EDIL3: variants seen among roughly 807,000 people sequenced by gnomAD.
EDIL3 encodes the protein EGF-like repeat and discoidin I-like domain-containing protein 3.
EDIL3 carries 37 observed loss-of-function variants against 67.4 expected under a neutral mutation model. The observed-to-expected ratio is 0.55, with a 90% CI of 0.42 to 0.72. EDIL3 has a LOEUF of 0.72. Ranked by LOEUF, EDIL3 falls within the 30% of genes least tolerant of loss-of-function variation. The pLI, the probability that EDIL3 is intolerant of heterozygous loss-of-function variation, is 0.00. For missense variants in EDIL3, 527 were observed against 586.3 expected (o/e 0.90, Z 1.04); for synonymous variants, 195 against 196.3 (o/e 0.99, Z 0.05).
intron 1 of EDIL3, among the ~76,000 whole-genome samples, chr5:84,346,828 C>G (rs1747249410): frequency 6.6e-6 from 1 of 152,114 alleles, no homozygotes; most frequent in Non-Finnish European, 1.5e-5. Context: ...GTTTCTGTAT[C>G]AGGACAGCCT....
intron 1 of EDIL3, among the ~76,000 whole-genome samples, chr5:84,370,402 A>C (rs1296407858): frequency 6.6e-6 from 1 of 152,068 alleles, no homozygotes; most frequent in Non-Finnish European, 1.5e-5. Context: ...TGGTGGGAGG[A>C]GGGAAAGAAG....
chr5:84,015,015 C>T (rs1447178148), intron 9 of EDIL3, among the ~76,000 whole-genome samples: 2 of 152,174 alleles, frequency 1.3e-5, no homozygotes, highest in Non-Finnish European at 2.9e-5. Context: ...AGGCTTGCTT[C>T]TCCTGTTGAT....
At chr5:84,013,925 A>G (rs1745557443) in intron 9 of EDIL3, among the ~76,000 whole-genome samples, 1 of 152,162 alleles carries the variant, frequency 6.6e-6, no homozygotes, top group African/African-American at 2.4e-5. Context: ...ATTGAATTGT[A>G]GATAAATTGA....
chr5:84,189,489 C>A (rs981938126), intron 3 of EDIL3, among the ~76,000 whole-genome samples: 28 of 152,010 alleles, frequency 1.8e-4, no homozygotes, highest in South Asian at 8.3e-4. Flanking sequence ...AAATAAATAT[C>A]TTATTAAATA....
At chr5:84,033,016 G>C (rs1745956276) in intron 9 of EDIL3, among the ~76,000 whole-genome samples, 1 of 152,078 alleles carries the variant, frequency 6.6e-6, no homozygotes, top group South Asian at 2.1e-4. Context: ...CCCCTCTGTT[G>C]GTTTCAAAGG....
chr5:84,087,432 A>G (rs1010627587), intron 6 of EDIL3, among the ~76,000 whole-genome samples: 1 of 152,228 alleles, frequency 6.6e-6, no homozygotes, highest in Admixed American at 6.5e-5. Context: ...CTGCTTATGT[A>G]AATGTGCTTC....
chr5:84,132,546 ATATATATTT>A (rs1271185101), intron 5 of EDIL3, among the ~76,000 whole-genome samples: 4 of 105,474 alleles, frequency 3.8e-5, no homozygotes, highest in African/African-American at 1.5e-4. Context: ...TTTATATATA[ATATATATTT>A]TATATATTTT....
At chr5:84,280,759 A>G (rs979696218) in intron 1 of EDIL3, among the ~76,000 whole-genome samples, 2 of 152,014 alleles carry the variant, frequency 1.3e-5, no homozygotes, top group Non-Finnish European at 2.9e-5. Flanking sequence ...TCTGGGCAAC[A>G]TGGTGAGACT....
chr5:84,183,726 C>A (rs1580365812), intron 3 of EDIL3, among the ~76,000 whole-genome samples: 1 of 152,258 alleles, frequency 6.6e-6, no homozygotes, highest in East Asian at 1.9e-4. Flanking sequence ...GTCTTCCATG[C>A]TCCTTCACAC....
At chr5:83,976,336 T>G (rs1744876419) in intron 9 of EDIL3, among the ~76,000 whole-genome samples, 1 of 151,792 alleles carries the variant, frequency 6.6e-6, no homozygotes, top group South Asian at 2.1e-4. Flanking sequence ...GAAATAACAC[T>G]TTTTTTCTGG....
intron 3 of EDIL3, among the ~76,000 whole-genome samples, chr5:84,229,653 C>T (rs2112042691): frequency 6.6e-6 from 1 of 152,176 alleles, no homozygotes; most frequent in Non-Finnish European, 1.5e-5. Flanking sequence ...CAAGACTTTT[C>T]TCCTTTTATT....
At chr5:84,312,047 CA>C (rs1746402524) in intron 1 of EDIL3, among the ~76,000 whole-genome samples, 1 of 152,198 alleles carries the variant, frequency 6.6e-6, no homozygotes, top group African/African-American at 2.4e-5. Flanking sequence ...CCATTGTCAT[CA>C]TGGCCCGTTC....
At chr5:84,334,354 G>A (rs1269011190) in intron 1 of EDIL3, among the ~76,000 whole-genome samples, 1 of 151,968 alleles carries the variant, frequency 6.6e-6, no homozygotes, top group South Asian at 2.1e-4. Context: ...ATGAGCCACC[G>A]CGCCTGGCCA....
chr5:84,176,871 T>G (rs1029216954), intron 4 of EDIL3, among the ~76,000 whole-genome samples: 12 of 152,032 alleles, frequency 7.9e-5, no homozygotes, highest in Admixed American at 3.9e-4. Flanking sequence ...ATCATTATTC[T>G]TATAAAGTTA....
At chr5:84,285,257 A>C (rs950431021) in intron 1 of EDIL3, among the ~76,000 whole-genome samples, 1 of 152,240 alleles carries the variant, frequency 6.6e-6, no homozygotes, top group Non-Finnish European at 1.5e-5. Flanking sequence ...TCATTAATTA[A>C]GTAAAGTACA....
At chr5:84,179,278 G>T (rs1019727091) in intron 4 of EDIL3, among the ~76,000 whole-genome samples, 3 of 152,144 alleles carry the variant, frequency 2.0e-5, no homozygotes, top group Non-Finnish European at 4.4e-5. Flanking sequence ...GCATCAGGGA[G>T]ACCTAGCCTT....
chr5:84,222,401 A>T (rs1744360619), intron 3 of EDIL3, among the ~76,000 whole-genome samples: 1 of 151,864 alleles, frequency 6.6e-6, no homozygotes, highest in African/African-American at 2.4e-5. Context: ...AAAGATTTAA[A>T]GGGAACTGGT....
In EDIL3 at chr5:84,201,988, G is replaced by T. The variant is rs560982636; in HGVS notation, c.227-21467C>A. Among the ~76,000 whole-genome samples the T allele has an allele frequency of 7.3e-4, 111 of 152,146 alleles. 1 individual carries two copies. The highest frequency in any genetic ancestry group is 1.5e-5 in the Non-Finnish European group (1 of 67,972). Reference sequence around the variant, plus strand: ...TTGTGTTGTAAAGAGTTTTAGAAAAGGGAAGGTCAACATACGCAAGAAAAA... The same window carrying T: ...TTGTGTTGTAAAGAGTTTTAGAAAATGGAAGGTCAACATACGCAAGAAAAA... On this transcript the variant is annotated intron_variant, in intron 3 of 10. Coordinates refer to ENST00000296591, the MANE Select transcript of EDIL3 (RefSeq NM_005711.5).
chr5:84,163,828 C>T (rs1359175525), intron 4 of EDIL3, among the ~76,000 whole-genome samples: 1 of 152,086 alleles, frequency 6.6e-6, no homozygotes, highest in Admixed American at 6.6e-5. Flanking sequence ...CTAGAAAATG[C>T]TATCCATTTT....
Sources: gnomAD v4.1 joint callset for allele counts (sites outside exome capture counted in the v4.1 genomes callset) on GRCh38, gnomAD v4.1.1 for gene constraint, MANE v1.5 for transcripts, NCBI Gene and HGNC (gene_info 2026-07-23, HGNC 2026-07-21) for gene names.